Variants in HEATR5B observed in about 807,000 individuals in gnomAD.
HEATR5B encodes HEAT repeat containing 5B.
A neutral mutation model predicts 224.1 loss-of-function variants in HEATR5B; 156 were observed. The observed-to-expected ratio is 0.70, with a 90% CI of 0.61 to 0.80. HEATR5B has a LOEUF of 0.80. HEATR5B is among the 30% of genes least tolerant of loss of function. The pLI, the probability that HEATR5B is intolerant of heterozygous loss-of-function variation, is 0.00. For synonymous variants in HEATR5B, 1,027 were observed against 893.0 expected (o/e 1.15, Z -2.68); for missense variants, 2,323 against 2,535.5 (o/e 0.92, Z 1.80).
chr2:37,078,630 TA>T (rs1411261827), intron 3 of HEATR5B, among the ~76,000 whole-genome samples: 1 of 152,188 alleles, frequency 6.6e-6, no homozygotes, highest in Middle Eastern at 3.2e-3. Context: ...TCTAGGTAGT[TA>T]CCTAGTGATA....
intron 26 of HEATR5B, among the ~76,000 whole-genome samples, chr2:37,017,844 A>G (rs1293017763): frequency 6.6e-6 from 1 of 152,216 alleles, no homozygotes; most frequent in Admixed American, 6.5e-5. Context: ...GAATGAATGT[A>G]CATTTTAAAA....
At chr2:37,036,563 G>T (rs1259251589) in intron 21 of HEATR5B, among the ~76,000 whole-genome samples, 2 of 151,498 alleles carry the variant, frequency 1.3e-5, no homozygotes, top group Non-Finnish European at 2.9e-5. Flanking sequence ...CCAGGTTGGA[G>T]TGCAATGGCG....
chr2:37,034,954 T>G (rs967332270), intron 21 of HEATR5B, among the ~76,000 whole-genome samples: 2 of 152,210 alleles, frequency 1.3e-5, no homozygotes, highest in African/African-American at 4.8e-5. Context: ...CATGGTCATA[T>G]CACATGGGAA....
chr2:37,065,558 C>G (rs1305334580), intron 9 of HEATR5B, among the ~76,000 whole-genome samples, 197 bp downstream of exon 9: 3 of 152,148 alleles, frequency 2.0e-5, no homozygotes, highest in Non-Finnish European at 2.9e-5. Flanking sequence ...ACCTGCCCAC[C>G]AGGGCCTCCC....
chr2:36,996,332 T>C (rs972442622), intron 33 of HEATR5B, among the ~76,000 whole-genome samples: 3 of 152,112 alleles, frequency 2.0e-5, no homozygotes, highest in African/African-American at 7.2e-5. Flanking sequence ...GTGTTGGGAT[T>C]ACAGGCGTGA....
intron 24 of HEATR5B, 37 bp downstream of exon 24, chr2:37,027,883 TAAA>T: frequency 6.2e-7 from 1 of 1,602,318 alleles, no homozygotes; most frequent in Non-Finnish European, 8.5e-7. Flanking sequence ...TCTCAAGGTG[TAAA>T]AATGCTTTGG....
intron 11 of HEATR5B, among the ~76,000 whole-genome samples, chr2:37,061,194 T>C (rs114615228): frequency 1.2e-3 from 190 of 152,304 alleles, no homozygotes; most frequent in Non-Finnish European, 2.3e-3. Flanking sequence ...ATGTGGTTAA[T>C]TTAGTTTCAT....
At position 37,008,838 on chromosome 2, in the gene HEATR5B, A is replaced by C; in HGVS notation, c.4295T>G (p.Val1432Gly). 6.3e-7 allele frequency: 1 copy of C among 1,587,198 alleles called. No homozygotes were observed. The highest frequency in any genetic ancestry group is 1.3e-5 in the African/African-American group (1 of 74,428). Reference protein sequence around the residue: ...VLKAWAEVYVVAMNIKKEAES... With the variant: ...VLKAWAEVYVGAMNIKKEAES... ...TGCTTCCTTTTTAATATTCATAGCG[A>C]CCACATATACCTAATATGATATTTA... The change falls in exon 28 of 36, where the codon GTC becomes GGC. Residue 1432 changes from valine to glycine, a missense_variant. Val to Gly is a moderately radical substitution (Grantham distance 109, BLOSUM62 -3). Around this residue, in one of 12 missense-constraint regions of HEATR5B, gnomAD observed 844 missense variants for 812.9 expected, o/e 1.04. Transcript: ENST00000233099.
chr2:36,988,647 G>A lies in HEATR5B; in HGVS notation c.5910C>T (p.Asn1970=), dbSNP rs1666108906. The change falls in exon 35 of 36, where the codon AAC becomes AAT. Residue 1970 remains asparagine (N), a splice_region_variant and synonymous_variant. Transcript: ENST00000233099. ...AGCTTTTTATAAGAATATACTTACT[G>A]TTTTGTTCTTCACCAAGAGCAACCA... The part of the protein sequence containing the change: ...ETLVALGEEQ[N]RVQLLALLVP... 2 of 1,606,662 alleles carry A rather than the reference G, an allele frequency of 1.2e-6. No individual in the cohort carries two copies. Among genetic ancestry groups the A allele is most frequent in the Non-Finnish European group, 1.7e-6 (2 of 1,173,480 alleles).
At chr2:37,018,669 T>C (rs1373214443) in intron 26 of HEATR5B, among the ~76,000 whole-genome samples, 2 of 152,190 alleles carry the variant, frequency 1.3e-5, no homozygotes, top group African/African-American at 4.8e-5. Context: ...ACATGAAGCT[T>C]GGCCATGGAT....
chr2:37,031,408 G>T (rs1406343084), intron 22 of HEATR5B, among the ~76,000 whole-genome samples: 1 of 147,846 alleles, frequency 6.8e-6, no homozygotes, highest in African/African-American at 2.5e-5. Context: ...CCCTATCTTA[G>T]CTGTTTTTCT....
chr2:37,060,279 T>C (rs1671200037), intron 12 of HEATR5B, among the ~76,000 whole-genome samples: 1 of 152,160 alleles, frequency 6.6e-6, no homozygotes, highest in Non-Finnish European at 1.5e-5. Context: ...CTTTTTTTTA[T>C]ACATGGTGAC....
intron 31 of HEATR5B, among the ~76,000 whole-genome samples, 171 bp downstream of exon 31, chr2:37,003,371 G>T (rs937974903): frequency 6.6e-5 from 10 of 150,632 alleles, no homozygotes; most frequent in African/African-American, 2.4e-4. Flanking sequence ...AGGAGTTACA[G>T]ACTACACTGA....
chr2:37,052,660 T>C (rs1558347971), intron 17 of HEATR5B, among the ~76,000 whole-genome samples: 1 of 152,212 alleles, frequency 6.6e-6, no homozygotes, highest in Non-Finnish European at 1.5e-5. Flanking sequence ...TCACTACTTT[T>C]GCACTTTGGG....
At position 37,058,432 on chromosome 2, in the gene HEATR5B, CCA is replaced by C. The variant is rs1558356768; in HGVS notation, c.2059+17_2059+18del. 2.8e-6 allele frequency: 4 copies of C among 1,452,762 alleles called. No homozygotes were observed. Among genetic ancestry groups the C allele is most frequent in the Non-Finnish European group, 3.9e-6 (4 of 1,034,928 alleles). The allele number at this position is 1,452,762 out of a possible 1,614,324, so 90.0% of individuals were successfully genotyped here. ...TGTAAAGAAAAATTTTTATCAGATACCACAAATTTTTAATTTACCTTCATAAG... is the reference window on the plus strand; with the variant it reads ...TGTAAAGAAAAATTTTTATCAGATACCAAATTTTTAATTTACCTTCATAAG... On this transcript the variant is annotated intron_variant, in intron 14 of 35. Coordinates refer to ENST00000233099, the MANE Select transcript of HEATR5B (RefSeq NM_019024.3).
rs143414858 is a variant in HEATR5B, at chr2:37,013,612, TTC to T, written c.4284+227_4284+228del. On this transcript the variant is annotated intron_variant, in intron 27 of 35. Transcript: ENST00000233099. ...TAAAAGATTTTTGGCATAAAATATT[TTC>T]TGTTATATTTTTGAGTTTTTCCTAC... Among the ~76,000 whole-genome samples the T allele has an allele frequency of 3.2e-3, 492 of 152,372 alleles. 3 individuals carry two copies. The highest frequency in any genetic ancestry group is 5.8e-3 in the South Asian group (28 of 4,828).
At chr2:37,003,507 AT>A (rs1424562811) in intron 31 of HEATR5B, 34 bp downstream of exon 31, 5 of 1,434,544 alleles carry the variant, frequency 3.5e-6, no homozygotes, top group South Asian at 1.2e-5. Context: ...ATAAAATAAG[AT>A]TTACTTCAAG....
At chr2:37,053,750 C>G (rs1210262632) in intron 16 of HEATR5B, 143 bp from the exon 17 acceptor site, 16 of 542,290 alleles carry the variant, frequency 3.0e-5, no homozygotes, top group Non-Finnish European at 5.1e-5. Context: ...CACAGCTAGT[C>G]CAAACCAGAT....
intron 26 of HEATR5B, among the ~76,000 whole-genome samples, chr2:37,015,058 A>T (rs1668030738): frequency 6.6e-6 from 1 of 152,218 alleles, no homozygotes; most frequent in Admixed American, 6.5e-5. Flanking sequence ...GAATGAACAC[A>T]TGGGAATGTT....
Sources: allele counts gnomAD v4.1 joint callset (sites outside exome capture counted in the v4.1 genomes callset), GRCh38; gene constraint gnomAD v4.1.1; regional missense constraint gnomAD v4.1.1; transcripts MANE v1.5; gene names NCBI Gene and HGNC (gene_info 2026-07-23, HGNC 2026-07-21).